The following CTNNA2 variants were observed in gnomAD, a reference collection of about 807,000 sequenced individuals.
The protein encoded by CTNNA2 is catenin alpha 2, also known as catenin alpha-2.
In CTNNA2, 42 loss-of-function variants were observed where a neutral mutation model predicts 101.0. That is an observed-to-expected ratio of 0.42 (90% CI 0.32 to 0.54). CTNNA2 has a LOEUF of 0.54. Among genes scored for constraint, CTNNA2 ranks in the 20% least tolerant of loss-of-function variants. CTNNA2 has a pLI of 0.14. For missense variants in CTNNA2, 871 were observed against 1,223.1 expected (o/e 0.71, Z 4.29); for synonymous variants, 450 against 456.4 (o/e 0.99, Z 0.18).
chr2:80,219,543 C>G (rs766276265), intron 7 of CTNNA2, among the ~76,000 whole-genome samples: 2 of 152,072 alleles, frequency 1.3e-5, no homozygotes, highest in African/African-American at 4.8e-5. Context: ...AATTTAAGAT[C>G]TAGAATACCA....
intron 2 of CTNNA2, among the ~76,000 whole-genome samples, chr2:79,220,200 G>GTA (rs1186658568): frequency 2.0e-5 from 3 of 151,598 alleles, no homozygotes; most frequent in Non-Finnish European, 2.9e-5. Context: ...GTGTGTGTGT[G>GTA]TATATATATG....
At chr2:79,618,545 C>T (rs569962671) in intron 1 of CTNNA2, among the ~76,000 whole-genome samples, 1 of 152,220 alleles carries the variant, frequency 6.6e-6, no homozygotes, top group South Asian at 2.1e-4. Context: ...GAAACAGGGT[C>T]ACCTCTTAAG....
intron 7 of CTNNA2, among the ~76,000 whole-genome samples, chr2:80,073,380 A>G (rs924219301): frequency 2.6e-5 from 4 of 152,172 alleles, no homozygotes; most frequent in African/African-American, 9.7e-5. Flanking sequence ...ATCATCAGAG[A>G]TTGTGTATCT....
chr2:79,514,311 G>A (rs919986918), intron 1 of CTNNA2, among the ~76,000 whole-genome samples: 1 of 152,166 alleles, frequency 6.6e-6, no homozygotes, highest in African/African-American at 2.4e-5. Flanking sequence ...ATACCATTTA[G>A]ATGGCATTAG....
At chr2:79,480,835 C>T (rs745798483) in intron 4 of CTNNA2, among the ~76,000 whole-genome samples, 2 of 152,008 alleles carry the variant, frequency 1.3e-5, no homozygotes, top group African/African-American at 2.4e-5. Flanking sequence ...TAACGTTTTC[C>T]GTGGTTTGCA....
At chr2:80,431,867 G>A (rs772170982) in intron 9 of CTNNA2, among the ~76,000 whole-genome samples, 3 of 151,846 alleles carry the variant, frequency 2.0e-5, no homozygotes, top group South Asian at 2.1e-4. Flanking sequence ...TGAGACCATC[G>A]GTTTATAAAA....
chr2:79,489,059 A>T (rs945361073), intron 4 of CTNNA2, among the ~76,000 whole-genome samples: 1 of 152,104 alleles, frequency 6.6e-6, no homozygotes, highest in African/African-American at 2.4e-5. Flanking sequence ...CTTCCATGGC[A>T]CTTTCGGCTC....
chr2:79,775,957 A>G (rs1273804169), intron 3 of CTNNA2, among the ~76,000 whole-genome samples: 1 of 152,204 alleles, frequency 6.6e-6, no homozygotes, highest in East Asian at 1.9e-4. Context: ...TGGTAAGGGT[A>G]TGAGTGAGAG....
intron 2 of CTNNA2, among the ~76,000 whole-genome samples, chr2:79,246,774 G>A (rs1674705928): frequency 6.6e-6 from 1 of 152,224 alleles, no homozygotes; most frequent in South Asian, 2.1e-4. Context: ...AATAACAATT[G>A]AGCCCATGAG....
At chr2:79,485,490 T>G (rs953414481) in intron 4 of CTNNA2, among the ~76,000 whole-genome samples, 5 of 152,222 alleles carry the variant, frequency 3.3e-5, no homozygotes, top group Admixed American at 6.5e-5. Context: ...GCTCCTAAGT[T>G]TGCAAATCGC....
intron 3 of CTNNA2, among the ~76,000 whole-genome samples, chr2:79,319,561 T>TTA (rs1553398096): frequency 3.3e-5 from 5 of 149,388 alleles, no homozygotes; most frequent in Admixed American, 1.3e-4. Context: ...GTAATTTATT[T>TTA]AAAAAAAAAA....
chr2:80,468,527 C>G (rs1320354560), intron 9 of CTNNA2, among the ~76,000 whole-genome samples: 2 of 152,140 alleles, frequency 1.3e-5, no homozygotes, highest in Non-Finnish European at 2.9e-5. Flanking sequence ...AAGTGATTCT[C>G]CTGCCTCAGC....
At chr2:79,458,967 C>T (rs1382159131) in intron 4 of CTNNA2, among the ~76,000 whole-genome samples, 1 of 152,026 alleles carries the variant, frequency 6.6e-6, no homozygotes, top group African/African-American at 2.4e-5. Flanking sequence ...TATCCTGACA[C>T]TCCAATTCTT....
At chr2:79,796,702 T>G (rs1675731357) in intron 3 of CTNNA2, among the ~76,000 whole-genome samples, 1 of 152,056 alleles carries the variant, frequency 6.6e-6, no homozygotes, top group South Asian at 2.1e-4. Flanking sequence ...TGAATCAGGT[T>G]GGGAAGAAAA....
chr2:79,310,049 T>G (rs1676331863), intron 2 of CTNNA2, among the ~76,000 whole-genome samples: 1 of 152,214 alleles, frequency 6.6e-6, no homozygotes, highest in South Asian at 2.1e-4. Flanking sequence ...TTGATTTATT[T>G]ATGTTGGTAT....
chr2:79,682,874 G>A (rs1683678080), intron 2 of CTNNA2, among the ~76,000 whole-genome samples: 1 of 152,122 alleles, frequency 6.6e-6, no homozygotes, highest in South Asian at 2.1e-4. Context: ...CAAGTTGTGG[G>A]TTCACTAGCA....
intron 4 of CTNNA2, among the ~76,000 whole-genome samples, chr2:79,859,349 A>G (rs2916492): frequency 0.39 from 59,795 of 151,942 alleles, 12,066 homozygotes; most frequent in East Asian, 0.61. Flanking sequence ...AGATTTGTTC[A>G]GTAGGAGGAA....
chr2:79,419,466 G>T (rs145901087), intron 4 of CTNNA2, among the ~76,000 whole-genome samples: 1 of 152,226 alleles, frequency 6.6e-6, no homozygotes, highest in Admixed American at 6.5e-5. Flanking sequence ...AGAGAAACTG[G>T]AGTGGATGCT....
chr2:80,626,111 A>G (rs865907055), intron 18 of CTNNA2, among the ~76,000 whole-genome samples: 14 of 152,018 alleles, frequency 9.2e-5, no homozygotes, highest in African/African-American at 3.4e-4. Context: ...ATATATAAAT[A>G]TGAAATATTT....
Sources: gnomAD v4.1 joint callset for allele counts (sites outside exome capture counted in the v4.1 genomes callset) on GRCh38, gnomAD v4.1.1 for gene constraint, MANE v1.5 for transcripts, NCBI Gene and HGNC (gene_info 2026-07-23, HGNC 2026-07-21) for gene names.